PRELID2: variants seen among roughly 807,000 people sequenced by gnomAD.
The protein encoded by PRELID2 is PRELI domain containing 2.
A neutral mutation model predicts 28.4 loss-of-function variants in PRELID2; 25 were observed. The observed-to-expected ratio is 0.88, with a 90% CI of 0.64 to 1.23. The LOEUF (loss-of-function observed/expected upper bound fraction) is 1.23, where lower values mean the gene tolerates loss of function less well. PRELID2 is among the 50% of genes most tolerant of loss of function. PRELID2 has a pLI of 0.00. For synonymous variants in PRELID2, 76 were observed against 71.6 expected (o/e 1.06, Z -0.31); for missense variants, 201 against 214.4 (o/e 0.94, Z 0.39).
the PRELID2 span, among the ~76,000 whole-genome samples, chr5:145,411,919 C>G: frequency 2.0e-5 from 3 of 152,206 alleles, no homozygotes; most frequent in African/African-American, 7.2e-5. Flanking sequence ...GGGCTTTGCA[C>G]CCTCTGAAGC....
At chr5:145,339,076 G>A in the PRELID2 span, among the ~76,000 whole-genome samples, 2 of 152,292 alleles carry the variant, frequency 1.3e-5, no homozygotes, top group African/African-American at 2.4e-5. Flanking sequence ...AATGTGGATA[G>A]GGTAGAAGAG....
intron 1 of PRELID2, among the ~76,000 whole-genome samples, chr5:145,487,085 C>G (rs1186481741): frequency 1.8e-5 from 2 of 112,292 alleles, no homozygotes; most frequent in Non-Finnish European, 3.4e-5. Context: ...ACTCTGGGGA[C>G]TGTGGTGGGG....
At chr5:145,590,374 T>C (rs1380826539) in intron 1 of PRELID2, among the ~76,000 whole-genome samples, 1 of 152,230 alleles carries the variant, frequency 6.6e-6, no homozygotes, top group African/African-American at 2.4e-5. Flanking sequence ...TAGCATTTAT[T>C]ACAATCTAAC....
intron 5 of PRELID2, among the ~76,000 whole-genome samples, chr5:145,777,873 C>G (rs1758514901): frequency 6.6e-6 from 1 of 152,230 alleles, no homozygotes; most frequent in Non-Finnish European, 1.5e-5. Flanking sequence ...CCTGTCCCTG[C>G]TGCCTGGCTT....
chr5:145,657,971 T>A (rs2149675283), intron 1 of PRELID2, among the ~76,000 whole-genome samples: 1 of 152,218 alleles, frequency 6.6e-6, no homozygotes, highest in Admixed American at 6.5e-5. Context: ...ATTCTACGAG[T>A]CATATAAATA....
intron 1 of PRELID2, among the ~76,000 whole-genome samples, chr5:145,729,937 T>G (rs994542293): frequency 6.6e-5 from 10 of 152,120 alleles, no homozygotes; most frequent in African/African-American, 2.4e-4. Context: ...GGTGAGAATG[T>G]GGGGTTGAAA....
At chr5:145,802,779 C>T (rs999153779) in intron 4 of PRELID2, among the ~76,000 whole-genome samples, 2 of 152,112 alleles carry the variant, frequency 1.3e-5, no homozygotes, top group African/African-American at 2.4e-5. Context: ...CAACTCAAAT[C>T]CCAGAACACC....
At chr5:145,819,390 A>G (rs761068819) in intron 3 of PRELID2, 2 of 1,604,202 alleles carry the variant, frequency 1.2e-6, no homozygotes, top group African/African-American at 1.3e-5. Context: ...TTTTTCCAAC[A>G]AAGAATCACC....
the PRELID2 span, among the ~76,000 whole-genome samples, chr5:145,398,874 T>G: frequency 3.9e-5 from 6 of 152,088 alleles, no homozygotes; most frequent in African/African-American, 1.4e-4. Flanking sequence ...AGAGGGGACA[T>G]TTTAGCTCCA....
intron 1 of PRELID2, among the ~76,000 whole-genome samples, chr5:145,712,039 T>C (rs1755709701): frequency 6.6e-6 from 1 of 152,218 alleles, no homozygotes; most frequent in African/African-American, 2.4e-5. Flanking sequence ...ATGCTGCCCA[T>C]AGATCATCTG....
intron 1 of PRELID2, among the ~76,000 whole-genome samples, chr5:145,585,539 T>C (rs559099366): frequency 6.6e-6 from 1 of 152,272 alleles, no homozygotes; most frequent in South Asian, 2.1e-4. Context: ...TATGTAATGA[T>C]AAAGAGCCAG....
chr5:145,505,924 AC>A (rs1752406868), intron 1 of PRELID2, among the ~76,000 whole-genome samples: 1 of 152,206 alleles, frequency 6.6e-6, no homozygotes, highest in African/African-American at 2.4e-5. Flanking sequence ...GATTCCACTT[AC>A]ATGAAATATC....
chr5:145,345,451 C>G, the PRELID2 span, among the ~76,000 whole-genome samples: 8 of 152,008 alleles, frequency 5.3e-5, no homozygotes, highest in African/African-American at 1.9e-4. Flanking sequence ...AAATGTTCCT[C>G]CCTCTCTAGA....
At chr5:145,676,964 A>G (rs1436619812) in intron 1 of PRELID2, among the ~76,000 whole-genome samples, 14 of 152,138 alleles carry the variant, frequency 9.2e-5, no homozygotes, top group Admixed American at 9.2e-4. Context: ...AACAATTAAA[A>G]TATATGAGTC....
intron 1 of PRELID2, among the ~76,000 whole-genome samples, chr5:145,532,944 A>T (rs566822850): frequency 1.2e-4 from 19 of 152,200 alleles, no homozygotes; most frequent in African/African-American, 4.3e-4. Context: ...ATGTCTCTTC[A>T]ACATACTGAT....
chr5:145,546,669 G>A (rs1752791052), intron 1 of PRELID2, among the ~76,000 whole-genome samples: 1 of 152,140 alleles, frequency 6.6e-6, no homozygotes, highest in Non-Finnish European at 1.5e-5. Context: ...GAGATGGAAT[G>A]CTTTATCTCT....
intron 1 of PRELID2, among the ~76,000 whole-genome samples, chr5:145,522,184 A>T (rs1239058882): frequency 6.6e-6 from 1 of 152,206 alleles, no homozygotes; most frequent in Non-Finnish European, 1.5e-5. Context: ...CTTTGTCCCA[A>T]TTCCTAGTCT....
intron 1 of PRELID2, among the ~76,000 whole-genome samples, chr5:145,709,220 C>T (rs1327182447): frequency 6.6e-6 from 1 of 152,224 alleles, no homozygotes; most frequent in Admixed American, 6.5e-5. Flanking sequence ...CCCCAGGGAC[C>T]TACAGTTAAT....
At chr5:145,700,116 C>T (rs372049441) in intron 1 of PRELID2, among the ~76,000 whole-genome samples, 2 of 152,296 alleles carry the variant, frequency 1.3e-5, no homozygotes, top group African/African-American at 4.8e-5. Context: ...GATGTAACCT[C>T]TGCAAGCCTA....
Sources: allele counts gnomAD v4.1 joint callset (sites outside exome capture counted in the v4.1 genomes callset), GRCh38; gene constraint gnomAD v4.1.1; transcripts MANE v1.5; gene names NCBI Gene and HGNC (gene_info 2026-07-23, HGNC 2026-07-21).